GLIS3: variants seen among roughly 807,000 people sequenced by gnomAD.
The protein encoded by GLIS3 is GLIS family zinc finger 3, also known as zinc finger protein GLIS3.
Under a neutral mutation model 78.6 loss-of-function variants are expected in GLIS3, and 53 were observed. That is an observed-to-expected ratio of 0.67 (90% CI 0.54 to 0.85). The LOEUF is 0.85. Among genes scored for constraint, GLIS3 ranks in the 40% least tolerant of loss-of-function variants. The probability of loss-of-function intolerance (pLI) is 0.00; values close to 1 mark genes in which losing one functional copy is unlikely to be tolerated. For missense variants in GLIS3, 1,703 were observed against 1,231.1 expected (o/e 1.38, Z -5.74); for synonymous variants, 684 against 509.9 (o/e 1.34, Z -4.60).
chr9:3,991,842 A>ACC (rs1820309418), intron 4 of GLIS3, among the ~76,000 whole-genome samples: 2 of 151,750 alleles, frequency 1.3e-5, no homozygotes, highest in Non-Finnish European at 2.9e-5. Context: ...AGGCGCCTGC[A>ACC]ACCATGCCTG....
intron 2 of GLIS3, among the ~76,000 whole-genome samples, 190 bp from the exon 3 acceptor site, chr9:4,126,131 C>T (rs540528472): frequency 6.6e-6 from 1 of 152,030 alleles, no homozygotes; most frequent in Non-Finnish European, 1.5e-5. Flanking sequence ...TAATAGAAAC[C>T]TTTCCATAAT....
intron 2 of GLIS3, among the ~76,000 whole-genome samples, chr9:4,158,635 T>C (rs779702166): frequency 3.9e-5 from 6 of 152,216 alleles, no homozygotes; most frequent in Admixed American, 6.5e-5. Context: ...TTATAATATA[T>C]GATAGCATTC....
chr9:4,257,773 C>G (rs1427584020), intron 2 of GLIS3, among the ~76,000 whole-genome samples: 1 of 152,034 alleles, frequency 6.6e-6, no homozygotes, highest in Non-Finnish European at 1.5e-5. Flanking sequence ...TGGGGTTTCA[C>G]TGTGTTAGCC....
intron 3 of GLIS3, among the ~76,000 whole-genome samples, chr9:4,121,338 AT>A (rs1278480136): frequency 1.3e-5 from 2 of 152,250 alleles, no homozygotes; most frequent in African/African-American, 4.8e-5. Context: ...TGGGTGTTAT[AT>A]TCTTCAATAA....
intron 2 of GLIS3, among the ~76,000 whole-genome samples, chr9:4,210,754 G>C (rs1051104703): frequency 2.0e-5 from 3 of 152,226 alleles, no homozygotes; most frequent in Non-Finnish European, 2.9e-5. Context: ...TGTACGCTTC[G>C]ATGCAGCTTC....
At chr9:4,089,154 A>C (rs576499808) in intron 4 of GLIS3, among the ~76,000 whole-genome samples, 1 of 152,174 alleles carries the variant, frequency 6.6e-6, no homozygotes, top group East Asian at 1.9e-4. Context: ...AATAATCCAA[A>C]TATTCATGTC....
At chr9:3,951,885 C>CAT (rs67578256) in intron 4 of GLIS3, among the ~76,000 whole-genome samples, 9 of 147,196 alleles carry the variant, frequency 6.1e-5, no homozygotes, top group African/African-American at 1.5e-4. Context: ...CACACACACA[C>CAT]GCACGCACAC....
At chr9:4,004,526 T>A (rs1161146523) in intron 4 of GLIS3, among the ~76,000 whole-genome samples, 1 of 152,146 alleles carries the variant, frequency 6.6e-6, no homozygotes, top group Non-Finnish European at 1.5e-5. Flanking sequence ...TGAAATCACC[T>A]CAAACAGTTG....
At chr9:4,321,217 G>A (rs532146109) in intron 2 of GLIS3, among the ~76,000 whole-genome samples, 9 of 145,326 alleles carry the variant, frequency 6.2e-5, no homozygotes, top group African/African-American at 1.9e-4. Context: ...TCAGGAGATC[G>A]AGACCATCCT....
At chr9:4,346,503 C>T (rs1817899233) in intron 2 of GLIS3, among the ~76,000 whole-genome samples, 1 of 152,070 alleles carries the variant, frequency 6.6e-6, no homozygotes, top group African/African-American at 2.4e-5. Context: ...GTATTATATC[C>T]ATTATTCATA....
intron 2 of GLIS3, among the ~76,000 whole-genome samples, chr9:4,254,842 A>T (rs1824761191): frequency 6.6e-6 from 1 of 150,994 alleles, no homozygotes; most frequent in African/African-American, 2.4e-5. Context: ...TACGTCTCAA[A>T]AAAAAAAAAA....
chr9:4,236,184 C>CAAAAAAAAAAAAAA (rs59839951), intron 2 of GLIS3, among the ~76,000 whole-genome samples: 18 of 84,294 alleles, frequency 2.1e-4, no homozygotes, highest in East Asian at 1.2e-3. Flanking sequence ...GTGGTTGTCA[C>CAAAAAAAAAAAAAA]AAAAAAAAAA....
At chr9:4,353,923 G>A in the GLIS3 span, among the ~76,000 whole-genome samples, 1 of 152,038 alleles carries the variant, frequency 6.6e-6, no homozygotes, top group South Asian at 2.1e-4. Context: ...AGTCTCCCAG[G>A]TTCACGCCAT....
intron 2 of GLIS3, among the ~76,000 whole-genome samples, chr9:4,319,141 T>C (rs1027156010): frequency 3.3e-5 from 5 of 152,200 alleles, no homozygotes; most frequent in Non-Finnish European, 7.3e-5. Flanking sequence ...AAATGAGTGA[T>C]CTCAGCTGGA....
chr9:4,489,754 A>C, the GLIS3 span, among the ~76,000 whole-genome samples: 8 of 152,296 alleles, frequency 5.3e-5, no homozygotes, highest in South Asian at 1.7e-3. Context: ...TCCATGCTCC[A>C]GGGCCTGTGG....
chr9:4,122,761 T>C (rs1832283340), intron 3 of GLIS3, among the ~76,000 whole-genome samples: 1 of 152,258 alleles, frequency 6.6e-6, no homozygotes, highest in Admixed American at 6.5e-5. Context: ...ATGTTTCTTC[T>C]ACTACTCAAT....
At chr9:4,379,514 C>A in the GLIS3 span, among the ~76,000 whole-genome samples, 1 of 152,156 alleles carries the variant, frequency 6.6e-6, no homozygotes, top group African/African-American at 2.4e-5. Flanking sequence ...GATGGGAGAT[C>A]AAATGTGGAA....
chr9:3,894,322 G>T (rs1328249007), intron 7 of GLIS3, among the ~76,000 whole-genome samples: 1 of 152,190 alleles, frequency 6.6e-6, no homozygotes, highest in South Asian at 2.1e-4. Flanking sequence ...GTGTGTGGTA[G>T]TTTAGAACCC....
Position 4,286,198 on chromosome 9 carries a change from C to T in GLIS3, c.228G>A (p.Glu76=), listed in dbSNP as rs1340858170. 1.2e-6 allele frequency: 2 copies of T among 1,614,236 alleles called. No homozygotes were observed. Among genetic ancestry groups the T allele is most frequent in the South Asian group, 2.2e-5 (2 of 91,086 alleles). The change falls in exon 2 of 11, where the codon GAG becomes GAA. Residue 76 remains glutamate (E), a synonymous_variant. Transcript: ENST00000381971. ...GGMAPQNNVA[E]SRIHLPALSP... The stretch of plus-strand genomic sequence containing the variant: ...TTAAGGCAGGCAGATGGATGCGGCT[C>T]TCAGCCACGTTGTTCTGAGGAGCCA...
Sources: allele counts gnomAD v4.1 joint callset (sites outside exome capture counted in the v4.1 genomes callset), GRCh38; gene constraint gnomAD v4.1.1; transcripts MANE v1.5; gene names NCBI Gene and HGNC (gene_info 2026-07-23, HGNC 2026-07-21).